ADAMTS3: variants seen among roughly 807,000 people sequenced by gnomAD.
ADAMTS3 encodes ADAM metallopeptidase with thrombospondin type 1 motif 3.
ADAMTS3 carries 73 observed loss-of-function variants against 129.0 expected under a neutral mutation model. That is an observed-to-expected ratio of 0.57 (90% CI 0.47 to 0.69). The LOEUF (loss-of-function observed/expected upper bound fraction) is 0.69. Ranked by LOEUF, ADAMTS3 falls within the 30% of genes least tolerant of loss-of-function variation. ADAMTS3 has a pLI of 0.00. For synonymous variants in ADAMTS3, 477 were observed against 510.8 expected (o/e 0.93, Z 0.89); for missense variants, 1,457 against 1,514.5 (o/e 0.96, Z 0.63).
At chr4:72,352,779 C>T (rs1029449977) in intron 4 of ADAMTS3, among the ~76,000 whole-genome samples, 4 of 151,852 alleles carry the variant, frequency 2.6e-5, no homozygotes, top group African/African-American at 7.3e-5. Flanking sequence ...ATAGGGTGGG[C>T]CCTTCCAGAC....
At chr4:72,409,015 T>C (rs1355263086) in intron 4 of ADAMTS3, among the ~76,000 whole-genome samples, 1 of 151,920 alleles carries the variant, frequency 6.6e-6, no homozygotes, top group Non-Finnish European at 1.5e-5. Flanking sequence ...TGTATACCTA[T>C]GTAACAAAAC....
chr4:72,520,269 A>C (rs1219597666), intron 3 of ADAMTS3, among the ~76,000 whole-genome samples: 1 of 152,170 alleles, frequency 6.6e-6, no homozygotes, highest in African/African-American at 2.4e-5. Context: ...CCTCCCAGTT[A>C]GGCTGCTCGG....
intron 4 of ADAMTS3, among the ~76,000 whole-genome samples, chr4:72,400,367 G>A (rs62651495): frequency 0.96 from 59,363 of 61,732 alleles, 28,678 homozygotes; most frequent in South Asian, 1. Flanking sequence ...GCATAGATAT[G>A]CACACGGTGT....
At chr4:72,291,085 T>C in intron 19 of ADAMTS3, 23 bp from the exon 20 acceptor site, 1 of 1,612,664 alleles carries the variant, frequency 6.2e-7, no homozygotes, top group East Asian at 2.2e-5. Flanking sequence ...GGATTTAATA[T>C]TGCAATTATC....
intron 3 of ADAMTS3, among the ~76,000 whole-genome samples, chr4:72,430,402 T>C (rs533138805): frequency 7.6e-4 from 115 of 152,100 alleles, no homozygotes; most frequent in African/African-American, 2.6e-3. Context: ...AGAGGCTGTG[T>C]AGGTGCTCTC....
intron 17 of ADAMTS3, among the ~76,000 whole-genome samples, chr4:72,302,054 A>G (rs539819712): frequency 6.6e-6 from 1 of 152,264 alleles, no homozygotes; most frequent in South Asian, 2.1e-4. Flanking sequence ...CAACACTGAA[A>G]TAGACTAGCT....
intron 3 of ADAMTS3, among the ~76,000 whole-genome samples, chr4:72,476,474 T>C (rs1333583107): frequency 3.9e-5 from 6 of 152,224 alleles, no homozygotes; most frequent in South Asian, 2.1e-4. Context: ...AATGTACAAC[T>C]TAAAAAATCC....
At chr4:72,440,094 T>C (rs1002076028) in intron 3 of ADAMTS3, among the ~76,000 whole-genome samples, 2 of 151,764 alleles carry the variant, frequency 1.3e-5, no homozygotes, top group African/African-American at 4.8e-5. Flanking sequence ...ATTTGAAACT[T>C]CACAATTTTG....
chr4:72,310,998 A>G, intron 14 of ADAMTS3, 50 bp downstream of exon 14: 1 of 1,490,386 alleles, frequency 6.7e-7, no homozygotes, highest in East Asian at 2.4e-5. Context: ...GATGAATGAC[A>G]GTAAACGTAG....
rs148105855 is a variant in ADAMTS3, at chr4:72,502,553, C to T, written c.504+45925G>A. On this transcript the variant is annotated intron_variant, in intron 3 of 21. Coordinates refer to ENST00000286657, the MANE Select transcript of ADAMTS3 (RefSeq NM_014243.3). ...TATCAATCTTGTTTATTCTTTCAAA[C>T]GCCTACTTCTGGTTGCTTTGATTCT... is the stretch of plus-strand genomic sequence containing the variant. Among the ~76,000 whole-genome samples the T allele has an allele frequency of 1.8e-3, 267 of 152,132 alleles. 2 individuals are homozygous for T. Among genetic ancestry groups the T allele is most frequent in the Non-Finnish European group, 3.0e-3 (207 of 67,988 alleles).
At chr4:72,526,755 T>A (rs1048430266) in intron 3 of ADAMTS3, among the ~76,000 whole-genome samples, 3 of 67,812 alleles carry the variant, frequency 4.4e-5, no homozygotes, top group African/African-American at 1.5e-4. Context: ...TATATATATA[T>A]ATATATATAT....
chr4:72,465,127 A>T (rs1167156294), intron 3 of ADAMTS3, among the ~76,000 whole-genome samples: 4 of 152,024 alleles, frequency 2.6e-5, no homozygotes, highest in Non-Finnish European at 5.9e-5. Context: ...GCTAAAAATT[A>T]GCCTGGGTCC....
intron 4 of ADAMTS3, among the ~76,000 whole-genome samples, chr4:72,345,707 A>G (rs1720262037): frequency 6.6e-6 from 1 of 152,124 alleles, no homozygotes; most frequent in Non-Finnish European, 1.5e-5. Flanking sequence ...TTCTAATTCT[A>G]ACATCCGTGT....
chr4:72,406,518 C>T lies in ADAMTS3; in HGVS notation c.661+8297G>A, dbSNP rs997156107. Among the ~76,000 whole-genome samples the T allele has an allele frequency of 6.6e-5, 10 of 152,222 alleles. 1 individual carries two copies. The highest frequency in any genetic ancestry group is 3.3e-4 in the Admixed American group (5 of 15,284). ...TCTCTACTACTTATAGTAAATTCTTCGCTTCCCATTTACTTAATTCCTATT... is the reference window on the plus strand; with the variant it reads ...TCTCTACTACTTATAGTAAATTCTTTGCTTCCCATTTACTTAATTCCTATT... On this transcript the variant is annotated intron_variant, in intron 4 of 21. Transcript: ENST00000286657.
At chr4:72,480,552 G>A (rs4019790) in intron 3 of ADAMTS3, among the ~76,000 whole-genome samples, 1 of 149,196 alleles carries the variant, frequency 6.7e-6, no homozygotes, top group African/African-American at 2.5e-5. Flanking sequence ...TTGTGGGGTC[G>A]GGGGACGGGG....
At chr4:72,376,485 T>C (rs1721136246) in intron 4 of ADAMTS3, among the ~76,000 whole-genome samples, 2 of 152,198 alleles carry the variant, frequency 1.3e-5, no homozygotes, top group African/African-American at 4.8e-5. Context: ...AGGACTTGTG[T>C]CCTGACTGCA....
chr4:72,510,716 C>T (rs1050683172), intron 3 of ADAMTS3, among the ~76,000 whole-genome samples: 4 of 151,188 alleles, frequency 2.6e-5, no homozygotes, highest in African/African-American at 9.7e-5. Flanking sequence ...AATGTAACCC[C>T]TAGCAAAATA....
chr4:72,423,414 T>C (rs1351409274), intron 3 of ADAMTS3, among the ~76,000 whole-genome samples: 3 of 152,142 alleles, frequency 2.0e-5, no homozygotes, highest in Admixed American at 6.6e-5. Context: ...ATTATTTTAG[T>C]TCGCTAAGGT....
Position 72,315,949 on chromosome 4 carries a change from T to A in ADAMTS3, c.1508A>T (p.Lys503Ile), listed in dbSNP as rs754214454. The A allele has an allele frequency of 5.6e-6, 9 of 1,612,458 alleles. No individual in the cohort carries two copies. Among genetic ancestry groups the A allele is most frequent in the Non-Finnish European group, 7.6e-6 (9 of 1,179,200 alleles). ...CTAFRTFDPC[K>I]QLWCSHPDNP... ...ATCAGGATGGCTACACCACAGCTGT[T>A]TACATGGGTCAAAGGTTCGGAACTG... is the stretch of plus-strand genomic sequence containing the variant. Residue 503 changes from lysine to isoleucine, a missense_variant, in exon 11 of 22, where the codon AAA becomes ATA. By Grantham distance (102) the Lys-to-Ile change is moderately radical. Transcript: ENST00000286657.
Sources: allele counts gnomAD v4.1 joint callset (sites outside exome capture counted in the v4.1 genomes callset), GRCh38; gene constraint gnomAD v4.1.1; transcripts MANE v1.5; gene names NCBI Gene and HGNC (gene_info 2026-07-23, HGNC 2026-07-21).